The following DOCK1 variants were observed in gnomAD, a reference collection of about 807,000 sequenced individuals.
DOCK1 encodes dedicator of cytokinesis protein 1.
In DOCK1, 138 loss-of-function variants were observed where a neutral mutation model predicts 262.7. The ratio of observed to expected loss-of-function variants is 0.53; its 90% confidence interval spans 0.46 to 0.61. The LOEUF is 0.61. Among genes scored for constraint, DOCK1 ranks in the 20% least tolerant of loss-of-function variants. DOCK1 has a pLI of 0.00. For missense variants in DOCK1, 1,908 were observed against 2,370.7 expected (o/e 0.80, Z 4.05); for synonymous variants, 866 against 867.4 (o/e 1.00, Z 0.03).
chr10:127,158,886 C>T (rs1464894610), intron 27 of DOCK1, among the ~76,000 whole-genome samples: 1 of 152,164 alleles, frequency 6.6e-6, no homozygotes, highest in Non-Finnish European at 1.5e-5. Context: ...GTCCAAGGAG[C>T]TCTCTTTTTT....
At chr10:127,039,662 G>A (rs1464971660) in intron 19 of DOCK1, among the ~76,000 whole-genome samples, 1 of 152,164 alleles carries the variant, frequency 6.6e-6, no homozygotes, top group Non-Finnish European at 1.5e-5. Context: ...AGGCCACGGG[G>A]CTGTTAATGG....
At chr10:127,308,126 GT>G (rs2061942236) in intron 29 of DOCK1, among the ~76,000 whole-genome samples, 1 of 152,232 alleles carries the variant, frequency 6.6e-6, no homozygotes. Flanking sequence ...TGATGTCTCA[GT>G]TTGTGGAAAT....
chr10:127,072,745 G>A (rs1033060599), intron 23 of DOCK1, among the ~76,000 whole-genome samples: 10 of 152,136 alleles, frequency 6.6e-5, no homozygotes, highest in East Asian at 1.9e-4. Flanking sequence ...ACTTTGATGC[G>A]TGTTATCTCT....
intron 29 of DOCK1, among the ~76,000 whole-genome samples, chr10:127,266,061 T>G (rs986850260): frequency 2.6e-5 from 4 of 152,270 alleles, no homozygotes; most frequent in Non-Finnish European, 5.9e-5. Context: ...AGTGCCCACG[T>G]GCAGGGGGCC....
chr10:127,017,522 TACAGACACACATGGACAC>T (rs2042083919), intron 12 of DOCK1, among the ~76,000 whole-genome samples: 2 of 144,432 alleles, frequency 1.4e-5, no homozygotes, highest in African/African-American at 5.2e-5. Context: ...CACACACGTG[TACAGACACACATGGACAC>T]ACAGACACAC....
rs2039304326 is a variant in DOCK1, at chr10:126,985,343, T to C, written c.228-2178T>C. Among the ~76,000 whole-genome samples, 3 of 152,158 alleles carry C rather than the reference T, an allele frequency of 2.0e-5. No individual in the cohort carries two copies. In the South Asian group the frequency reaches 6.2e-4, roughly 32 times the overall value. On this transcript the variant is annotated intron_variant, in intron 4 of 51. Coordinates refer to ENST00000623213, the MANE Select transcript of DOCK1 (RefSeq NM_001290223.2). ...TCCCTCAGTCTTACCAGCAGCCCTA[T>C]GAGGCAGGCATTATTGGGGTTACAT... is the stretch of plus-strand genomic sequence containing the variant.
intron 31 of DOCK1, among the ~76,000 whole-genome samples, chr10:127,346,951 AG>A (rs1340249784): frequency 5.9e-5 from 9 of 152,210 alleles, no homozygotes. Flanking sequence ...AGGTGACAGG[AG>A]ATCCAGGACA....
rs1590828589 is a variant in DOCK1, at chr10:127,387,262, C to G, written c.3927+2353C>G. On this transcript the variant is annotated intron_variant, in intron 38 of 51. Coordinates refer to ENST00000623213, the MANE Select transcript of DOCK1 (RefSeq NM_001290223.2). Reference sequence around the variant, plus strand: ...TGGCCCTTCTGCGTCCTGAAATGCACCAGCCCTCTCTGCCACTGCCCAGCG... The same window carrying G: ...TGGCCCTTCTGCGTCCTGAAATGCAGCAGCCCTCTCTGCCACTGCCCAGCG... Among the ~76,000 whole-genome samples, 8 of 152,382 alleles carry G rather than the reference C, an allele frequency of 5.2e-5. No individual in the cohort carries two copies. In the South Asian group the frequency reaches 1.7e-3, roughly 32 times the overall value.
chr10:127,126,188 G>T (rs184270576), intron 26 of DOCK1, among the ~76,000 whole-genome samples: 1 of 151,606 alleles, frequency 6.6e-6, no homozygotes, highest in Non-Finnish European at 1.5e-5. Context: ...TCTGCCTCCC[G>T]GGTTCAAGTG....
At chr10:127,083,766 A>G (rs1279606787) in intron 23 of DOCK1, among the ~76,000 whole-genome samples, 1 of 152,240 alleles carries the variant, frequency 6.6e-6, no homozygotes, top group African/African-American at 2.4e-5. Flanking sequence ...AATCTTTAAG[A>G]AGCCATTTAA....
intron 23 of DOCK1, among the ~76,000 whole-genome samples, chr10:127,064,638 G>T (rs777961544): frequency 1.3e-5 from 2 of 152,082 alleles, no homozygotes; most frequent in Non-Finnish European, 2.9e-5. Flanking sequence ...CGTCACCCCC[G>T]CTCCCCAGGC....
chr10:126,972,544 T>C (rs2038194228), intron 2 of DOCK1, among the ~76,000 whole-genome samples: 1 of 152,074 alleles, frequency 6.6e-6, no homozygotes, highest in Non-Finnish European at 1.5e-5. Flanking sequence ...TCACAGAGGT[T>C]TTTTAGCAAA....
At chr10:127,257,624 G>A (rs1450390657) in intron 29 of DOCK1, 195 bp downstream of exon 29, 1 of 439,488 alleles carries the variant, frequency 2.3e-6, no homozygotes, top group Non-Finnish European at 4.1e-6. Flanking sequence ...ACAACACAGG[G>A]CTCTGGCTCT....
In DOCK1 at chr10:127,121,247, G is replaced by A. The variant is rs570492637; in HGVS notation, c.2624-4227G>A. On this transcript the variant is annotated intron_variant, in intron 25 of 51. Coordinates refer to ENST00000623213, the MANE Select transcript of DOCK1 (RefSeq NM_001290223.2). Reference sequence around the variant, plus strand: ...CCTCCTTTTTTTTTTTTTTTCTCCTGGTGGATTATTTGTTGGCTTCCCAGG... The same window carrying A: ...CCTCCTTTTTTTTTTTTTTTCTCCTAGTGGATTATTTGTTGGCTTCCCAGG... 1.1e-4 allele frequency among the ~76,000 whole-genome samples: 16 copies of A among 145,364 alleles called. No individual in the cohort carries two copies. In the South Asian group the frequency reaches 3.5e-3, roughly 31 times the overall value.
intron 25 of DOCK1, among the ~76,000 whole-genome samples, chr10:127,114,779 A>T (rs1216077344): frequency 3.4e-5 from 4 of 116,444 alleles, no homozygotes; most frequent in Admixed American, 1.1e-4. Context: ...TTTTTTTGAG[A>T]TGGAGTCTTG....
chr10:126,967,941 G>A (rs1378111898), intron 1 of DOCK1, among the ~76,000 whole-genome samples: 2 of 152,030 alleles, frequency 1.3e-5, no homozygotes, highest in African/African-American at 4.8e-5. Flanking sequence ...AGCCTCCCGA[G>A]TAGCTGGGAT....
intron 2 of DOCK1, among the ~76,000 whole-genome samples, chr10:126,972,356 G>T (rs61875502): frequency 2.6e-5 from 4 of 152,066 alleles, no homozygotes; most frequent in Non-Finnish European, 5.9e-5. Flanking sequence ...TTATGCTGTG[G>T]TTATTGTTGC....
intron 29 of DOCK1, among the ~76,000 whole-genome samples, chr10:127,302,672 T>C (rs1043289287): frequency 1.3e-5 from 2 of 152,058 alleles, no homozygotes; most frequent in South Asian, 4.1e-4. Flanking sequence ...GTGGTTAATG[T>C]TGATAGTTTG....
chr10:127,048,369 ATG>A (rs1306228613), intron 21 of DOCK1, among the ~76,000 whole-genome samples: 3 of 151,884 alleles, frequency 2.0e-5, no homozygotes, highest in East Asian at 3.9e-4. Flanking sequence ...TGTTTATGGT[ATG>A]TGTGTGTATG....
Sources: allele counts gnomAD v4.1 joint callset (sites outside exome capture counted in the v4.1 genomes callset), GRCh38; gene constraint gnomAD v4.1.1; transcripts MANE v1.5; gene names NCBI Gene and HGNC (gene_info 2026-07-23, HGNC 2026-07-21).